The following PCNX1 variants were observed in gnomAD, a reference collection of about 807,000 sequenced individuals.
PCNX1 encodes pecanex-like protein 1.
A neutral mutation model predicts 242.2 loss-of-function variants in PCNX1; 78 were observed. The observed-to-expected ratio is 0.32, with a 90% confidence interval of 0.27 to 0.39. PCNX1 has a LOEUF of 0.39. PCNX1 is among the 10% of genes least tolerant of loss of function. The pLI, the probability that PCNX1 is intolerant of heterozygous loss-of-function variation, is 1.00. For missense variants in PCNX1, 2,581 were observed against 2,856.5 expected, an observed-to-expected ratio of 0.90 and a Z score of 2.20; for synonymous variants, 1,024 against 1,032.9, an observed-to-expected ratio of 0.99 and a Z score of 0.17.
At chr14:70,909,995 G>T (rs745729231) in intron 1 of PCNX1, among the ~76,000 whole-genome samples, 12 of 88,650 alleles carry the variant, frequency 1.4e-4, no homozygotes, top group Non-Finnish European at 3.0e-4. Context: ...AGCAATAGGG[G>T]CTGTATCTTC....
intron 1 of PCNX1, among the ~76,000 whole-genome samples, chr14:70,920,558 A>G (rs1191519746): frequency 2.0e-5 from 3 of 152,238 alleles, no homozygotes; most frequent in Non-Finnish European, 4.4e-5. Context: ...CAGGCTAACC[A>G]TTAACCTATA....
rs546425484 is a variant in PCNX1 at position 71,055,871 on chromosome 14, G to A, written c.4636+309G>A. Among the ~76,000 whole-genome samples, 9 of 152,254 alleles carry A rather than the reference G, an allele frequency of 5.9e-5. No individual in the cohort carries two copies. The East Asian group carries it at 1.7e-3, about 29-fold the overall frequency. ...AAATAAAACTGGTCAGATGTTTGAAGGGTCTGCAGTCAGACTGACACATGT... is the reference window on the plus strand; with the variant it reads ...AAATAAAACTGGTCAGATGTTTGAAAGGTCTGCAGTCAGACTGACACATGT... On this transcript the variant is annotated intron_variant, in intron 25 of 35. Coordinates refer to ENST00000304743, the MANE Select transcript of PCNX1 (RefSeq NM_014982.3).
chr14:71,051,195 AAAAT>A (rs750449491), intron 23 of PCNX1, among the ~76,000 whole-genome samples: 1,050 of 85,420 alleles, frequency 0.012, 60 homozygotes, highest in South Asian at 0.014. Flanking sequence ...AAAAAAAAAA[AAAAT>A]CATAACCTTT....
intron 6 of PCNX1, among the ~76,000 whole-genome samples, chr14:70,979,597 G>A (rs1291371199): frequency 1.3e-5 from 2 of 151,968 alleles, no homozygotes; most frequent in Admixed American, 6.6e-5. Context: ...TGTATCATTA[G>A]TTTTAAAGTT....
intron 1 of PCNX1, among the ~76,000 whole-genome samples, chr14:70,941,067 G>A (rs888109699): frequency 7.2e-5 from 11 of 152,184 alleles, no homozygotes; most frequent in Non-Finnish European, 1.3e-4. Flanking sequence ...TGATGGGTTC[G>A]AACATCCTCC....
At position 71,108,868 on chromosome 14, in the gene PCNX1, G is replaced by A. The variant is rs1244233383; in HGVS notation, c.6566G>A (p.Gly2189Asp). 9.9e-6 allele frequency: 16 copies of A among 1,614,116 alleles called. No homozygotes were observed. The highest frequency in any genetic ancestry group is 1.7e-5 in the Admixed American group (1 of 60,006). Residue 2189 changes from glycine to aspartate, a missense_variant, in exon 34 of 36, where the codon GGC becomes GAC. Gly to Asp is a moderately conservative substitution (Grantham distance 94). Transcript: ENST00000304743. ...GQSGLACVQH[G>D]LPSSSSSSQS... The stretch of plus-strand genomic sequence containing the variant: ...AGCGGCCTGGCCTGTGTGCAGCACG[G>A]CCTGCCTTCCTCCAGCAGCTCCAGC...
chr14:70,912,507 A>G (rs2055964566), intron 1 of PCNX1, among the ~76,000 whole-genome samples: 1 of 151,906 alleles, frequency 6.6e-6, no homozygotes, highest in Non-Finnish European at 1.5e-5. Context: ...AGGCATCCCA[A>G]AAGTATCATG....
intron 28 of PCNX1, among the ~76,000 whole-genome samples, chr14:71,084,070 C>G (rs1382981947): frequency 6.6e-6 from 1 of 152,138 alleles, no homozygotes; most frequent in African/African-American, 2.4e-5. Context: ...TGATGCTATT[C>G]CTTTCTGTTT....
At chr14:71,076,076 G>T in intron 27 of PCNX1, 113 bp from the exon 28 acceptor site, 1 of 657,214 alleles carries the variant, frequency 1.5e-6, no homozygotes, top group Non-Finnish European at 2.6e-6. Context: ...AGACTAAAAA[G>T]TGTTTTACTA....
At chr14:71,076,048 A>G (rs534076157) in intron 27 of PCNX1, 141 bp from the exon 28 acceptor site, 9 of 596,952 alleles carry the variant, frequency 1.5e-5, no homozygotes, top group East Asian at 1.1e-4. Context: ...TTGAGGGGGA[A>G]TAAAATACTT....
chr14:71,036,086 C>G lies in PCNX1; in HGVS notation c.3796C>G (p.Leu1266Val), dbSNP rs1311374061. 6.9e-6 allele frequency: 11 copies of G among 1,603,122 alleles called. No homozygotes were observed. The highest frequency in any genetic ancestry group is 1.1e-5 in the South Asian group (1 of 90,688). The change falls in exon 19 of 36, where the codon CTG becomes GTG. Residue 1266 changes from leucine to valine, a missense_variant. Around this residue, in one of 9 missense-constraint regions of PCNX1, gnomAD observed 432 missense variants for 443.1 expected, o/e 0.97. Coordinates refer to ENST00000304743, the MANE Select transcript of PCNX1 (RefSeq NM_014982.3). Reference protein sequence around the residue: ...NSVSERLQSDLVVCIVIGVLY... With the variant: ...NSVSERLQSDVVVCIVIGVLY... The stretch of plus-strand genomic sequence containing the variant: ...ACAGAGTGAGCGATTACAGTCTGAC[C>G]TGGTAGTATGCATTGTAATTGGTGT...
intron 1 of PCNX1, among the ~76,000 whole-genome samples, chr14:70,921,139 TA>T (rs1280165081): frequency 1.3e-5 from 2 of 152,138 alleles, no homozygotes; most frequent in Admixed American, 1.3e-4. Context: ...CTGGAATGGT[TA>T]AAAGAAATGA....
intron 19 of PCNX1, among the ~76,000 whole-genome samples, chr14:71,043,105 C>T (rs1385390694): frequency 6.6e-6 from 1 of 152,074 alleles, no homozygotes. Flanking sequence ...TTTCTTTCAG[C>T]ACTTCGAATG....
At chr14:71,036,691 G>A (rs1435900446) in intron 19 of PCNX1, among the ~76,000 whole-genome samples, 1 of 152,106 alleles carries the variant, frequency 6.6e-6, no homozygotes, top group Non-Finnish European at 1.5e-5. Flanking sequence ...TTCTCATAAC[G>A]TATCCTGTTG....
chr14:71,048,382 A>G (rs2060925477), intron 22 of PCNX1, among the ~76,000 whole-genome samples: 1 of 152,168 alleles, frequency 6.6e-6, no homozygotes, highest in Admixed American at 6.6e-5. Flanking sequence ...GCAGTCAGAA[A>G]TTAGCTTGAT....
chr14:70,983,947 A>C (rs1254283442), intron 6 of PCNX1, among the ~76,000 whole-genome samples: 1 of 151,448 alleles, frequency 6.6e-6, no homozygotes. Context: ...CATTCCTTTT[A>C]GAATGTTTTT....
In PCNX1 at chr14:70,977,650, A is replaced by G. The variant is rs143907976; in HGVS notation, c.1313A>G (p.Glu438Gly). 5.4e-4 allele frequency: 875 copies of G among 1,613,982 alleles called. 1 individual carries two copies. Among genetic ancestry groups the G allele is most frequent in the Non-Finnish European group, 6.8e-4 (802 of 1,179,988 alleles). ...GRKKECCAGP[E>G]EKNSCASDKR... ...AAGAAAGAGTGCTGTGCAGGCCCAG[A>G]GGAGAAGAATAGCTGTGCCAGTGAC... The change falls in exon 6 of 36, where the codon GAG becomes GGG. Residue 438 changes from glutamate (E) to glycine (G), a missense_variant. Transcript: ENST00000304743.
chr14:71,073,282 A>AG (rs1458580553), intron 26 of PCNX1, among the ~76,000 whole-genome samples: 47 of 152,224 alleles, frequency 3.1e-4, no homozygotes, highest in African/African-American at 8.4e-4. Flanking sequence ...TGGGCTACAG[A>AG]GGGAGACTCT....
rs2062584562 is a variant in PCNX1 at position 71,105,394 on chromosome 14, A to G, written c.6255A>G (p.Ser2085=). ...QGSIGNPGQG[S]GTGLHPPVTS... is the part of the protein sequence containing the mutation. The stretch of plus-strand genomic sequence containing the variant: ...GCATTGGAAATCCTGGGCAGGGATC[A>G]GGAACTGGACTCCACCCACCTGTCA... The change falls in exon 33 of 36, where the codon TCA becomes TCG. Residue 2085 remains serine, a synonymous_variant. Coordinates refer to ENST00000304743, the MANE Select transcript of PCNX1 (RefSeq NM_014982.3). 2 of 1,614,156 alleles carry G rather than the reference A, an allele frequency of 1.2e-6. No individual in the cohort carries two copies. The highest frequency in any genetic ancestry group is 1.7e-6 in the Non-Finnish European group (2 of 1,179,996).
Sources: gnomAD v4.1 joint callset for allele counts (sites outside exome capture counted in the v4.1 genomes callset) on GRCh38, gnomAD v4.1.1 for gene constraint, gnomAD v4.1.1 regional missense constraint, MANE v1.5 for transcripts, NCBI Gene and HGNC (gene_info 2026-07-23, HGNC 2026-07-21) for gene names.